Variants in GRM7 observed in about 807,000 individuals in gnomAD.
GRM7 encodes glutamate metabotropic receptor 7, also known as metabotropic glutamate receptor 7.
Under a neutral mutation model 84.5 loss-of-function variants are expected in GRM7, and 35 were observed. That is an observed-to-expected ratio of 0.41 (90% CI 0.32 to 0.55). GRM7 has a LOEUF of 0.55. Among genes scored for constraint, GRM7 ranks in the 20% least tolerant of loss-of-function variants. GRM7 has a pLI of 0.19. For synonymous variants in GRM7, 487 were observed against 455.1 expected (o/e 1.07, Z -0.89); for missense variants, 1,003 against 1,194.6 (o/e 0.84, Z 2.36).
At chr3:6,984,994 C>T (rs150233545) in intron 1 of GRM7, among the ~76,000 whole-genome samples, 7 of 152,294 alleles carry the variant, frequency 4.6e-5, no homozygotes, top group East Asian at 3.9e-4. Flanking sequence ...GACAGAGCAC[C>T]GAGGCTGAGA....
At chr3:7,487,953 C>T (rs562503333) in intron 7 of GRM7, among the ~76,000 whole-genome samples, 1 of 152,308 alleles carries the variant, frequency 6.6e-6, no homozygotes, top group Non-Finnish European at 1.5e-5. Context: ...CCAGCAAAGC[C>T]ACAGGGGAGG....
rs1028811059 is a variant in GRM7, at chr3:7,188,178, T to A, written c.736+41510T>A. 1.3e-5 allele frequency among the ~76,000 whole-genome samples: 2 copies of A among 152,014 alleles called. No homozygotes were observed. The highest frequency in any genetic ancestry group is 4.8e-5 in the African/African-American group (2 of 41,392). On this transcript the variant is annotated intron_variant, in intron 2 of 9. Coordinates refer to ENST00000357716, the MANE Select transcript of GRM7 (RefSeq NM_000844.4). This position sits in a 1 kb window ranked among gnomAD's most constrained non-coding sequence, Gnocchi z 4.2. The stretch of plus-strand genomic sequence containing the variant: ...AAAGGGACCTGTCGGAAGTGAGGAA[T>A]GAAGAGATGCTTTTATTTCAGAGAA...
At chr3:7,233,430 TAA>T (rs1446085097) in intron 2 of GRM7, among the ~76,000 whole-genome samples, 1 of 152,120 alleles carries the variant, frequency 6.6e-6, no homozygotes, top group Non-Finnish European at 1.5e-5. Context: ...AATAAAGGGA[TAA>T]GAATGCAGAG....
chr3:7,426,011 G>A (rs557548104), intron 5 of GRM7, among the ~76,000 whole-genome samples: 1 of 152,186 alleles, frequency 6.6e-6, no homozygotes, highest in East Asian at 1.9e-4. Flanking sequence ...GCTTTAAGAG[G>A]CACTAAAAGT....
chr3:7,606,648 C>G (rs1279497363), intron 8 of GRM7, among the ~76,000 whole-genome samples: 1 of 152,146 alleles, frequency 6.6e-6, no homozygotes, highest in Non-Finnish European at 1.5e-5. Context: ...ATTCTCCTGC[C>G]TCAGCCTCCT....
chr3:7,263,390 T>A (rs912604794), intron 2 of GRM7, among the ~76,000 whole-genome samples: 7 of 152,096 alleles, frequency 4.6e-5, no homozygotes, highest in Non-Finnish European at 1.0e-4. Context: ...CAGTGGGATA[T>A]GTTATTGTTC....
chr3:7,226,549 T>G (rs903172550), intron 2 of GRM7, among the ~76,000 whole-genome samples: 10 of 152,124 alleles, frequency 6.6e-5, no homozygotes, highest in African/African-American at 2.4e-4. Context: ...AGGAGTGACA[T>G]CACATTAACT....
chr3:7,359,220 T>TTG (rs34535570), intron 4 of GRM7, among the ~76,000 whole-genome samples: 8,323 of 133,160 alleles, frequency 0.063, 724 homozygotes, highest in African/African-American at 0.094. Context: ...GTGTTTGTGT[T>TTG]TGTGTGTGTG....
chr3:6,912,214 G>C (rs554642532), intron 1 of GRM7, among the ~76,000 whole-genome samples: 2 of 152,072 alleles, frequency 1.3e-5, no homozygotes, highest in Non-Finnish European at 2.9e-5. Context: ...AATATGTTTG[G>C]GAAATGCTGC....
chr3:7,227,781 A>G (rs1697030482), intron 2 of GRM7, among the ~76,000 whole-genome samples: 1 of 152,148 alleles, frequency 6.6e-6, no homozygotes, highest in Non-Finnish European at 1.5e-5. Context: ...TTCACTGGGT[A>G]TTATATTGAA....
chr3:7,720,597 G>A (rs1701912171), intron 9 of GRM7, among the ~76,000 whole-genome samples: 1 of 152,192 alleles, frequency 6.6e-6, no homozygotes, highest in Non-Finnish European at 1.5e-5. Context: ...CTGAATGAGT[G>A]CTCCCTGAGC....
At chr3:6,884,602 C>T (rs1219729079) in intron 1 of GRM7, among the ~76,000 whole-genome samples, 2 of 151,922 alleles carry the variant, frequency 1.3e-5, no homozygotes, top group East Asian at 3.9e-4. Context: ...TTCTTTTCCT[C>T]TTTATTTTTT....
intron 7 of GRM7, among the ~76,000 whole-genome samples, chr3:7,577,804 C>T (rs1448152311): frequency 2.0e-5 from 3 of 152,124 alleles, no homozygotes; most frequent in Admixed American, 6.6e-5. Flanking sequence ...CCCACTTCTC[C>T]CCTGTGATAG....
In GRM7 at chr3:7,103,816, T is replaced by TTCTTTCTC. The variant is rs1553617438; in HGVS notation, c.520-42633_520-42632insTTCTCTCT. Among the ~76,000 whole-genome samples the TTCTTTCTC allele has an allele frequency of 4.6e-3, 406 of 89,100 alleles. 29 individuals are homozygous for TTCTTTCTC. The highest frequency in any genetic ancestry group is 0.018 in the African/African-American group (374 of 20,762). 58.5% of individuals were successfully genotyped at this position (89,100 alleles called of 152,430 possible). ...TTTCTTTCTTTCTTTCTTTCTTTCT[T>TTCTTTCTC]TCTCTCTCTCTCTGTCTCTCTCTCC... On this transcript the variant is annotated intron_variant, in intron 1 of 9. Coordinates refer to ENST00000357716, the MANE Select transcript of GRM7 (RefSeq NM_000844.4).
intron 8 of GRM7, among the ~76,000 whole-genome samples, chr3:7,674,980 ATGG>A (rs1465227374): frequency 6.6e-6 from 1 of 152,226 alleles, no homozygotes; most frequent in African/African-American, 2.4e-5. Flanking sequence ...TTTGCCAAAC[ATGG>A]TCAAGCATTA....
At chr3:7,707,922 A>C (rs1432223950) in intron 9 of GRM7, among the ~76,000 whole-genome samples, 3 of 146,304 alleles carry the variant, frequency 2.1e-5, no homozygotes, top group Non-Finnish European at 4.5e-5. Flanking sequence ...ATTGCTGTGA[A>C]GCTTTCAATT....
At chr3:7,050,367 T>C (rs1696949872) in intron 1 of GRM7, among the ~76,000 whole-genome samples, 1 of 151,886 alleles carries the variant, frequency 6.6e-6, no homozygotes, top group East Asian at 1.9e-4. Context: ...ATTTTGCATG[T>C]GAAGAAATCA....
chr3:7,636,859 T>C (rs998473104), intron 8 of GRM7, among the ~76,000 whole-genome samples: 3 of 152,172 alleles, frequency 2.0e-5, no homozygotes, highest in African/African-American at 7.2e-5. Flanking sequence ...TGCAGACCTG[T>C]CAGGGTTACT....
chr3:7,505,581 C>T lies in GRM7; in HGVS notation c.1515+43859C>T, dbSNP rs114209754. ...TGGAGGAAGTCATGTGTTCACAGCTCTTGCTTTCTGCATGCCTGCACAATT... is the reference window on the plus strand; with the variant it reads ...TGGAGGAAGTCATGTGTTCACAGCTTTTGCTTTCTGCATGCCTGCACAATT... On this transcript the variant is annotated intron_variant, in intron 7 of 9. Coordinates refer to ENST00000357716, the MANE Select transcript of GRM7 (RefSeq NM_000844.4). 8.4e-3 allele frequency among the ~76,000 whole-genome samples: 1,276 copies of T among 152,344 alleles called. 19 individuals are homozygous for T. The highest frequency in any genetic ancestry group is 0.029 in the African/African-American group (1,206 of 41,584).
Sources: gnomAD v4.1 joint callset for allele counts (sites outside exome capture counted in the v4.1 genomes callset) on GRCh38, gnomAD v4.1.1 for gene constraint, Gnocchi (gnomAD v3.1) non-coding constraint, MANE v1.5 for transcripts, NCBI Gene and HGNC (gene_info 2026-07-23, HGNC 2026-07-21) for gene names.